The following CALM2 variants were observed in gnomAD, a reference collection of about 807,000 sequenced individuals.
The protein encoded by CALM2 is calmodulin 2.
In CALM2, 2 loss-of-function variants were observed where a neutral mutation model predicts 19.8. The observed-to-expected ratio is 0.10, with a 90% CI of 0.04 to 0.32. The LOEUF (loss-of-function observed/expected upper bound fraction) is 0.32. Among genes scored for constraint, CALM2 ranks in the 10% least tolerant of loss-of-function variants. CALM2 has a pLI of 1.00. For synonymous variants in CALM2, 51 were observed against 52.1 expected (o/e 0.98, Z 0.09); for missense variants, 38 against 178.7 (o/e 0.21, Z 4.49).
chr2:47,160,838 A>G, intron 5 of CALM2, 34 bp from the exon 6 acceptor site: 1 of 1,042,326 alleles, frequency 9.6e-7, no homozygotes, highest in Non-Finnish European at 1.3e-6. Flanking sequence ...AAATGAGTCA[A>G]TAGCAAAAGA....
At chr2:47,162,201 C>CCAAAAAAAAAAA in intron 4 of CALM2, 85 bp downstream of exon 4, 1 of 131,162 alleles carries the variant, frequency 7.6e-6, no homozygotes, top group Non-Finnish European at 1.3e-5. Flanking sequence ...AAAAAAAAAA[C>CCAAAAAAAAAAA]AACCAAAAAA....
intron 4 of CALM2, 93 bp downstream of exon 4, chr2:47,162,193 A>C (rs1350864125): frequency 4.0e-6 from 2 of 503,118 alleles, no homozygotes; most frequent in Non-Finnish European, 3.3e-6. Context: ...AAAAAAAAAA[A>C]AAAAAAACAA....
upstream of CALM2, chr2:47,176,629 C>G (rs1666885060): frequency 8.0e-6 from 12 of 1,501,490 alleles, no homozygotes; most frequent in African/African-American, 5.5e-5. Context: ...CCCTCAAACT[C>G]TTCTCGGGAC....
At chr2:47,161,567 G>A (rs1436848694) in intron 5 of CALM2, among the ~76,000 whole-genome samples, 156 bp downstream of exon 5, 1 of 152,174 alleles carries the variant, frequency 6.6e-6, no homozygotes, top group Admixed American at 6.5e-5. Context: ...CTAGTCTGCA[G>A]ACAACACTCT....
chr2:47,161,776 T>C lies in CALM2; in HGVS notation c.368A>G (p.Asp123Gly). Residue 123 changes from aspartate to glycine, a missense_variant, in exon 5 of 6, where the codon GAT becomes GGT. By Grantham distance (94) the Asp-to-Gly change is moderately conservative. Coordinates refer to ENST00000272298, the MANE Select transcript of CALM2 (RefSeq NM_001743.6). Reference protein sequence around the residue: ...LGEKLTDEEVDEMIREADIDG... With the variant: ...LGEKLTDEEVGEMIREADIDG... ...AATATCTGCTTCCCTGATCATTTCATCAACTTCTTCATCTGTTAACTTCTC... is the reference window on the plus strand; with the variant it reads ...AATATCTGCTTCCCTGATCATTTCACCAACTTCTTCATCTGTTAACTTCTC... The C allele has an allele frequency of 6.2e-7, 1 of 1,613,318 alleles. No homozygotes were observed. Among genetic ancestry groups the C allele is most frequent in the South Asian group, 1.1e-5 (1 of 91,014 alleles).
chr2:47,163,586 C>G (rs1040212508), intron 2 of CALM2: 1 of 152,132 alleles, frequency 6.6e-6, no homozygotes, highest in Admixed American at 6.6e-5. Context: ...GCATGCACCA[C>G]CACGCCCAGC....
rs2103821204 is a variant in CALM2, at chr2:47,160,656, T to C, written c.*120A>G. Reference sequence around the variant, plus strand: ...AAAACATGGAGGAATGAAGTCCTAATTACTATACATGCATATTTTTTTGAC... The same window carrying C: ...AAAACATGGAGGAATGAAGTCCTAACTACTATACATGCATATTTTTTTGAC... On this transcript the variant is annotated 3_prime_UTR_variant, in exon 6 of 6. Transcript: ENST00000272298. The C allele has an allele frequency of 1.8e-6, 1 of 567,318 alleles. No individual in the cohort carries two copies. The highest frequency in any genetic ancestry group is 3.5e-5 in the Admixed American group (1 of 28,268). The allele number at this position is 567,318 out of a possible 1,614,324, so 35.1% of individuals were successfully genotyped here.
intron 1 of CALM2, chr2:47,172,501 A>T (rs1410576831): frequency 8.2e-7 from 1 of 1,219,702 alleles, no homozygotes; most frequent in South Asian, 1.3e-5. Context: ...ATAAATTAAC[A>T]AAGAACCTAC....
chr2:47,174,377 T>A (rs1250543418), intron 1 of CALM2, among the ~76,000 whole-genome samples: 2 of 152,086 alleles, frequency 1.3e-5, no homozygotes, highest in Non-Finnish European at 2.9e-5. Context: ...CTCAGCCCAT[T>A]GACTAGCCAG....
At chr2:47,165,171 C>T (rs1666425446) in intron 2 of CALM2, among the ~76,000 whole-genome samples, 1 of 152,212 alleles carries the variant, frequency 6.6e-6, no homozygotes, top group Non-Finnish European at 1.5e-5. Context: ...TAGTCAGTCA[C>T]CCAATCCATC....
At chr2:47,165,511 G>A (rs776116130) in intron 2 of CALM2, among the ~76,000 whole-genome samples, 1 of 152,034 alleles carries the variant, frequency 6.6e-6, no homozygotes, top group Non-Finnish European at 1.5e-5. Flanking sequence ...TTTTTTTGCA[G>A]CATCCAAAAC....
chr2:47,172,441 T>C (rs1486646590), intron 1 of CALM2: 3 of 917,428 alleles, frequency 3.3e-6, no homozygotes, highest in Non-Finnish European at 4.7e-6. Flanking sequence ...CAAAGTGAGA[T>C]GCTATGTACA....
chr2:47,176,603 C>G (rs930401326), upstream of CALM2: 8 of 1,530,774 alleles, frequency 5.2e-6, no homozygotes, highest in African/African-American at 9.6e-5. Context: ...GCAAACGAGT[C>G]CCGGCCAACC....
intron 5 of CALM2, among the ~76,000 whole-genome samples, 165 bp from the exon 6 acceptor site, chr2:47,160,969 G>A (rs1420526217): frequency 1.3e-5 from 2 of 151,800 alleles, no homozygotes; most frequent in African/African-American, 2.4e-5. Flanking sequence ...TGCCCAGGCT[G>A]GAACTTCATT....
At chr2:47,169,059 CCA>C (rs1345065029) in intron 2 of CALM2, among the ~76,000 whole-genome samples, 1 of 152,062 alleles carries the variant, frequency 6.6e-6, no homozygotes, top group Non-Finnish European at 1.5e-5. Context: ...CAGGCGTGAG[CCA>C]CTGCGCCCGG....
chr2:47,171,925 C>T (rs815815), intron 1 of CALM2: 129,543 of 150,062 alleles, frequency 0.86, 55,888 homozygotes, highest in Middle Eastern at 0.92. Flanking sequence ...ATCCAGAAAG[C>T]AGTTTATTTT....
At chr2:47,172,994 G>C (rs1297755634) in intron 1 of CALM2, 2 of 152,020 alleles carry the variant, frequency 1.3e-5, no homozygotes, top group Non-Finnish European at 2.9e-5. Context: ...ATGCAATCTT[G>C]GAAGAGATCA....
At chr2:47,175,097 T>TTTTTTTTTTC (rs751897252) in intron 1 of CALM2, among the ~76,000 whole-genome samples, 8,023 of 125,668 alleles carry the variant, frequency 0.064, 489 homozygotes, top group African/African-American at 0.11. Context: ...TTTTTTTTTT[T>TTTTTTTTTTC]TCAGGAAAGA....
chr2:47,174,543 T>C (rs993230196), intron 1 of CALM2, among the ~76,000 whole-genome samples: 1 of 152,172 alleles, frequency 6.6e-6, no homozygotes, highest in African/African-American at 2.4e-5. Flanking sequence ...TATTAAGATT[T>C]TTTTTTTCGA....
Sources: gnomAD v4.1 joint callset for allele counts (sites outside exome capture counted in the v4.1 genomes callset) on GRCh38, gnomAD v4.1.1 for gene constraint, MANE v1.5 for transcripts, NCBI Gene and HGNC (gene_info 2026-07-23, HGNC 2026-07-21) for gene names.